Variants in HPSE2 observed in about 807,000 individuals in gnomAD.
HPSE2 encodes the protein inactive heparanase-2.
In HPSE2, 38 loss-of-function variants were observed where a neutral mutation model predicts 60.5. The observed-to-expected ratio is 0.63, with a 90% confidence interval of 0.48 to 0.82. The LOEUF (loss-of-function observed/expected upper bound fraction) is 0.82, where lower values mean the gene tolerates loss of function less well. Ranked by LOEUF, HPSE2 falls within the 40% of genes least tolerant of loss-of-function variation. The pLI, the probability that HPSE2 is intolerant of heterozygous loss-of-function variation, is 0.00. For missense variants in HPSE2, 713 were observed against 740.4 expected (o/e 0.96, Z 0.43); for synonymous variants, 295 against 293.2 (o/e 1.01, Z -0.06).
At chr10:98,873,455 G>A (rs1424357842) in intron 3 of HPSE2, among the ~76,000 whole-genome samples, 1 of 152,036 alleles carries the variant, frequency 6.6e-6, no homozygotes, top group African/African-American at 2.4e-5. Flanking sequence ...GGAACATGTG[G>A]TGTTTGGTTT....
chr10:98,964,022 T>C (rs1338367771), intron 3 of HPSE2, among the ~76,000 whole-genome samples: 5 of 152,176 alleles, frequency 3.3e-5, no homozygotes, highest in African/African-American at 1.2e-4. Context: ...AATAGTTGCG[T>C]GTTTACACAA....
At chr10:98,618,727 C>T (rs1337526533) in intron 8 of HPSE2, among the ~76,000 whole-genome samples, 1 of 152,176 alleles carries the variant, frequency 6.6e-6, no homozygotes, top group Admixed American at 6.5e-5. Flanking sequence ...CAGGCGCATG[C>T]CACCATGCCC....
intron 3 of HPSE2, among the ~76,000 whole-genome samples, chr10:98,908,816 C>T (rs1953900446): frequency 6.6e-6 from 1 of 151,164 alleles, no homozygotes; most frequent in Non-Finnish European, 1.5e-5. Flanking sequence ...TTCTGGGAGA[C>T]AGAATTGTGG....
intron 3 of HPSE2, chr10:99,048,310 C>A (rs904590337): frequency 7.2e-6 from 3 of 418,152 alleles, no homozygotes; most frequent in South Asian, 2.2e-5. Context: ...AGAAAAAGAC[C>A]ACCCATTTTA....
intron 3 of HPSE2, among the ~76,000 whole-genome samples, chr10:98,927,363 C>A (rs1954503165): frequency 6.6e-6 from 1 of 152,082 alleles, no homozygotes; most frequent in South Asian, 2.1e-4. Context: ...GAAGAACATT[C>A]CATGCTCATG....
the HPSE2 span, among the ~76,000 whole-genome samples, chr10:99,249,271 G>C: frequency 6.6e-6 from 1 of 152,238 alleles, no homozygotes; most frequent in African/African-American, 2.4e-5. Context: ...GCCCTGCAGA[G>C]CTAAAGCAGT....
Position 98,941,101 on chromosome 10 carries a change from C to A in HPSE2, c.611-197045G>T, listed in dbSNP as rs1391322225. Among the ~76,000 whole-genome samples the A allele has an allele frequency of 2.8e-5, 4 of 142,380 alleles. 1 individual carries two copies. The highest frequency in any genetic ancestry group is 6.0e-5 in the Non-Finnish European group (4 of 67,036). 93.4% of individuals were successfully genotyped at this position (142,380 alleles called of 152,430 possible). A position where few individuals can be genotyped will look rare whatever the true frequency, so the allele number is the denominator to read the frequency against. On this transcript the variant is annotated intron_variant, in intron 3 of 11. Coordinates refer to ENST00000370552, the MANE Select transcript of HPSE2 (RefSeq NM_021828.5). The stretch of plus-strand genomic sequence containing the variant: ...CGTATCTCAAAAGAATAAGAGCTAT[C>A]TATGACGAACCCACAGCCAGTATCA...
At chr10:98,666,884 A>T (rs1219902141) in intron 6 of HPSE2, among the ~76,000 whole-genome samples, 2 of 152,088 alleles carry the variant, frequency 1.3e-5, no homozygotes, top group East Asian at 3.9e-4. Context: ...AAGACAAAAA[A>T]TAATTATTTC....
chr10:98,920,689 A>G (rs1954257742), intron 3 of HPSE2, among the ~76,000 whole-genome samples: 1 of 152,192 alleles, frequency 6.6e-6, no homozygotes, highest in Non-Finnish European at 1.5e-5. Flanking sequence ...CTAACATTTC[A>G]TATAATTGAA....
At chr10:98,848,899 C>T (rs1254992819) in intron 3 of HPSE2, among the ~76,000 whole-genome samples, 1 of 152,072 alleles carries the variant, frequency 6.6e-6, no homozygotes, top group Non-Finnish European at 1.5e-5. Flanking sequence ...ACTCTTCCCA[C>T]TTTTTCATCT....
the HPSE2 span, among the ~76,000 whole-genome samples, chr10:99,257,827 C>G: frequency 6.6e-6 from 1 of 152,040 alleles, no homozygotes; most frequent in Non-Finnish European, 1.5e-5. Context: ...CGGAACCTGC[C>G]GACATGTGAT....
chr10:98,551,970 G>A (rs1380554387), intron 9 of HPSE2, among the ~76,000 whole-genome samples: 1 of 152,112 alleles, frequency 6.6e-6, no homozygotes, highest in African/African-American at 2.4e-5. Context: ...TTTCTGGTAG[G>A]TTTTAATAAC....
chr10:98,591,218 G>A (rs1945081124), intron 9 of HPSE2, among the ~76,000 whole-genome samples: 1 of 152,156 alleles, frequency 6.6e-6, no homozygotes, highest in South Asian at 2.1e-4. Context: ...AAATGAGATA[G>A]TAATATTACC....
chr10:98,688,068 C>A (rs1947964047), intron 6 of HPSE2, among the ~76,000 whole-genome samples: 1 of 151,810 alleles, frequency 6.6e-6, no homozygotes, highest in African/African-American at 2.4e-5. Context: ...TTATTTTAAT[C>A]CTAATATGGC....
At chr10:98,802,158 T>C (rs1950924593) in intron 3 of HPSE2, among the ~76,000 whole-genome samples, 1 of 152,098 alleles carries the variant, frequency 6.6e-6, no homozygotes, top group Admixed American at 6.6e-5. Flanking sequence ...TAGATTCCTA[T>C]CTCTCACAAA....
intron 3 of HPSE2, among the ~76,000 whole-genome samples, chr10:98,967,962 CTT>C (rs1955856055): frequency 6.6e-6 from 1 of 152,254 alleles, no homozygotes; most frequent in East Asian, 1.9e-4. Flanking sequence ...ATATGACTCA[CTT>C]ACTCCTGGCT....
At chr10:98,797,503 A>G (rs1448263450) in intron 3 of HPSE2, among the ~76,000 whole-genome samples, 1 of 152,174 alleles carries the variant, frequency 6.6e-6, no homozygotes, top group Non-Finnish European at 1.5e-5. Context: ...AAATAACCTC[A>G]AAAGGGTAAT....
chr10:98,884,328 AT>A (rs933108352), intron 3 of HPSE2, among the ~76,000 whole-genome samples: 1 of 152,154 alleles, frequency 6.6e-6, no homozygotes, highest in Non-Finnish European at 1.5e-5. Context: ...AGCCAAGGTA[AT>A]TGTTGAAGGT....
chr10:98,635,866 G>C (rs2134021621), intron 7 of HPSE2, among the ~76,000 whole-genome samples: 1 of 151,716 alleles, frequency 6.6e-6, no homozygotes. Flanking sequence ...ATGGGATCTT[G>C]TCATTTGAGG....
Sources: gnomAD v4.1 joint callset for allele counts (sites outside exome capture counted in the v4.1 genomes callset) on GRCh38, gnomAD v4.1.1 for gene constraint, MANE v1.5 for transcripts, NCBI Gene and HGNC (gene_info 2026-07-23, HGNC 2026-07-21) for gene names.